Variants in ASCC3 observed in about 807,000 individuals in gnomAD.
ASCC3 encodes ASC-1 complex subunit P200.
In ASCC3, 158 loss-of-function variants were observed where a neutral mutation model predicts 256.3. The observed-to-expected ratio is 0.62, with a 90% CI of 0.54 to 0.70. ASCC3 has a LOEUF of 0.70. Among genes scored for constraint, ASCC3 ranks in the 30% least tolerant of loss-of-function variants. ASCC3 has a pLI of 0.00. For missense variants in ASCC3, 2,259 were observed against 2,626.0 expected (o/e 0.86, Z 3.05); for synonymous variants, 948 against 883.4 (o/e 1.07, Z -1.30).
chr6:100,725,964 T>C (rs12190572), intron 10 of ASCC3, among the ~76,000 whole-genome samples: 77,000 of 139,746 alleles, frequency 0.55, 20,048 homozygotes, highest in South Asian at 0.66. Flanking sequence ...AAAATACACA[T>C]GTTTTTTTAA....
intron 10 of ASCC3, among the ~76,000 whole-genome samples, chr6:100,739,131 T>G (rs993122767): frequency 2.0e-5 from 3 of 152,200 alleles, no homozygotes; most frequent in Non-Finnish European, 4.4e-5. Context: ...ACAGAGTTTA[T>G]TGAGAGATTA....
Position 100,858,094 on chromosome 6 carries a change from G to A in ASCC3, c.241+5970C>T, listed in dbSNP as rs144893308. The A allele has an allele frequency of 4.5e-4, 126 of 279,680 alleles. 1 individual carries two copies. The highest frequency in any genetic ancestry group is 2.4e-3 in the African/African-American group (104 of 43,694). 17.3% of individuals were successfully genotyped at this position (279,680 alleles called of 1,614,324 possible). On this transcript the variant is annotated intron_variant, in intron 3 of 41. Transcript: ENST00000369162. Reference sequence around the variant, plus strand: ...TATTTTTTGTTAAATTTACTCCTACGTATTTGATGTTTATGATGCTTTTGT... The same window carrying A: ...TATTTTTTGTTAAATTTACTCCTACATATTTGATGTTTATGATGCTTTTGT...
At chr6:100,534,839 T>C (rs1775085482) in intron 37 of ASCC3, among the ~76,000 whole-genome samples, 1 of 152,226 alleles carries the variant, frequency 6.6e-6, no homozygotes, top group East Asian at 1.9e-4. Flanking sequence ...ACTATGTTTT[T>C]CTTTTGTGAA....
intron 36 of ASCC3, among the ~76,000 whole-genome samples, chr6:100,554,359 C>G (rs180828383): frequency 6.6e-6 from 1 of 152,218 alleles, no homozygotes; most frequent in East Asian, 1.9e-4. Flanking sequence ...TGGATTTGTA[C>G]CTGGTTGCAC....
intron 4 of ASCC3, among the ~76,000 whole-genome samples, chr6:100,833,692 A>G (rs1771732810): frequency 6.6e-6 from 1 of 152,212 alleles, no homozygotes; most frequent in Non-Finnish European, 1.5e-5. Context: ...TATCGATGAA[A>G]ATGATTATTC....
intron 13 of ASCC3, among the ~76,000 whole-genome samples, chr6:100,697,170 T>C (rs1778126894): frequency 6.6e-6 from 1 of 152,010 alleles, no homozygotes; most frequent in Non-Finnish European, 1.5e-5. Context: ...CCAATAGTAA[T>C]ATCTGCTTTT....
rs759750902 is a variant in ASCC3, at chr6:100,540,251, T to C, written c.5687A>G (p.Gln1896Arg). The C allele has an allele frequency of 2.5e-6, 4 of 1,614,140 alleles. No homozygotes were observed. The highest frequency in any genetic ancestry group is 3.3e-4 in the Middle Eastern group (2 of 6,062). Residue 1896 changes from glutamine (Q) to arginine (R), a missense_variant, in exon 37 of 42, where the codon CAG becomes CGG. Around this residue, in one of 2 missense-constraint regions of ASCC3, gnomAD observed 1,839 missense variants for 2,206.7 expected, o/e 0.83. Transcript: ENST00000369162. ...TAGCATGGCTCGGCTGAGATGTGCC[T>C]GTAGCAGGAGATGTGCTTTGGTGTG... Reference protein sequence around the residue: ...SPHTKAHLLLQAHLSRAMLPC... With the variant: ...SPHTKAHLLLRAHLSRAMLPC...
At chr6:100,667,475 A>G (rs1401931950) in intron 14 of ASCC3, among the ~76,000 whole-genome samples, 1 of 152,128 alleles carries the variant, frequency 6.6e-6, no homozygotes, top group African/African-American at 2.4e-5. Flanking sequence ...GCAGTATCAG[A>G]TTTGTTCTTT....
rs754142249 is a variant in ASCC3 at position 100,593,954 on chromosome 6, G to GTA, written c.5304-3897_5304-3896dup. 3.3e-5 allele frequency among the ~76,000 whole-genome samples: 5 copies of GTA among 152,028 alleles called. 1 individual carries two copies. The highest frequency in any genetic ancestry group is 6.6e-5 in the Admixed American group (1 of 15,232). ...GTTAATGTGTGTGTGTATGTTATATGTATATATATGTGTTTACATATCTAA... is the reference window on the plus strand; with the variant it reads ...GTTAATGTGTGTGTGTATGTTATATGTATATATATATGTGTTTACATATCTAA... On this transcript the variant is annotated intron_variant, in intron 34 of 41. Coordinates refer to ENST00000369162, the MANE Select transcript of ASCC3 (RefSeq NM_006828.4).
rs553281768 is a variant in ASCC3, at chr6:100,842,158, G to A, written c.801+5990C>T. On this transcript the variant is annotated intron_variant, in intron 4 of 41. Transcript: ENST00000369162. ...TGATATCATAGCTCAGCAGTATTAA[G>A]GCTACCAAAAACAATGTACAGCACC... Among the ~76,000 whole-genome samples, 6 of 152,204 alleles carry A rather than the reference G, an allele frequency of 3.9e-5. 1 individual carries two copies. The highest frequency in any genetic ancestry group is 3.9e-4 in the Admixed American group (6 of 15,294).
chr6:100,733,139 A>G (rs751296406), intron 10 of ASCC3, among the ~76,000 whole-genome samples: 10 of 152,214 alleles, frequency 6.6e-5, no homozygotes, highest in Non-Finnish European at 1.3e-4. Context: ...CACTATATTG[A>G]GAAAGAAAAA....
intron 4 of ASCC3, among the ~76,000 whole-genome samples, chr6:100,842,796 C>A (rs2114490132): frequency 6.6e-6 from 1 of 152,114 alleles, no homozygotes; most frequent in East Asian, 1.9e-4. Context: ...CATCACAGAA[C>A]CCTGTCTCTA....
At chr6:100,536,949 G>A (rs1775193753) in intron 37 of ASCC3, among the ~76,000 whole-genome samples, 1 of 152,086 alleles carries the variant, frequency 6.6e-6, no homozygotes, top group African/African-American at 2.4e-5. Flanking sequence ...AATAAATGGG[G>A]GAGAAGGGAA....
At chr6:100,714,351 G>A (rs1778992772) in intron 13 of ASCC3, among the ~76,000 whole-genome samples, 1 of 152,142 alleles carries the variant, frequency 6.6e-6, no homozygotes, top group South Asian at 2.1e-4. Context: ...GATAAATAAT[G>A]CAACTCACAA....
At position 100,800,344 on chromosome 6, in the gene ASCC3, T is replaced by C. The variant is rs1769851256; in HGVS notation, c.1083A>G (p.Ser361=). Residue 361 remains serine, a synonymous_variant, in exon 6 of 42, where the codon TCA becomes TCG. Transcript: ENST00000369162. The stretch of plus-strand genomic sequence containing the variant: ...TAGGATCAAAGCACATAAGTCCTTC[T>C]GAAACTTCTAAATCTTCTCCAGCCT... ...EKKAGEDLEV[S]EGLMCFDPKE... is the part of the protein sequence containing the mutation. 4 of 1,612,954 alleles carry C rather than the reference T, an allele frequency of 2.5e-6. No homozygotes were observed. The highest frequency in any genetic ancestry group is 4.5e-5 in the East Asian group (2 of 44,786).
chr6:100,646,223 T>C (rs6938152), intron 22 of ASCC3, among the ~76,000 whole-genome samples: 2,132 of 152,264 alleles, frequency 0.014, 39 homozygotes, highest in African/African-American at 0.049. Flanking sequence ...CCTAAATGTT[T>C]TGAAGGAATC....
chr6:100,626,447 A>G (rs1774240298), intron 29 of ASCC3, among the ~76,000 whole-genome samples: 1 of 152,122 alleles, frequency 6.6e-6, no homozygotes. Context: ...ACTCAAAGAA[A>G]TATAGTAATC....
At chr6:100,822,105 G>T (rs530998372) in intron 4 of ASCC3, among the ~76,000 whole-genome samples, 1 of 152,192 alleles carries the variant, frequency 6.6e-6, no homozygotes, top group African/African-American at 2.4e-5. Flanking sequence ...GGTAATGACT[G>T]CCCTCATCTG....
chr6:100,767,286 A>T lies in ASCC3; in HGVS notation c.1455T>A (p.Phe485Leu), dbSNP rs753498418. The change falls in exon 9 of 42, where the codon TTT becomes TTA. Residue 485 changes from phenylalanine (F) to leucine (L), a missense_variant. Phe to Leu is a conservative substitution (Grantham distance 22). Transcript: ENST00000369162. ...KRLNRIQSIV[F>L]ETAYNTNENM... ...TCTCATTGGTGTTGTAGGCAGTCTC[A>T]AACACTATTGACTGGATTCTATTGA... 1 of 1,614,088 alleles carries T rather than the reference A, an allele frequency of 6.2e-7. No homozygotes were observed. Among genetic ancestry groups the T allele is most frequent in the East Asian group, 2.2e-5 (1 of 44,848 alleles).
Sources: gnomAD v4.1 joint callset for allele counts (sites outside exome capture counted in the v4.1 genomes callset) on GRCh38, gnomAD v4.1.1 for gene constraint, gnomAD v4.1.1 regional missense constraint, MANE v1.5 for transcripts, NCBI Gene and HGNC (gene_info 2026-07-23, HGNC 2026-07-21) for gene names.